Variants in CREB5 observed in about 807,000 individuals in gnomAD.
CREB5 encodes cAMP responsive element binding protein 5.
A neutral mutation model predicts 57.1 loss-of-function variants in CREB5; 19 were observed. That is an observed-to-expected ratio of 0.33 (90% CI 0.23 to 0.49). The LOEUF (loss-of-function observed/expected upper bound fraction) is 0.49. CREB5 is among the 20% of genes least tolerant of loss of function. The pLI is 0.99. For missense variants in CREB5, 579 were observed against 671.6 expected, an observed-to-expected ratio of 0.86 and a Z score of 1.52; for synonymous variants, 238 against 238.3, an observed-to-expected ratio of 1.00 and a Z score of 0.01.
intron 1 of CREB5, among the ~76,000 whole-genome samples, chr7:28,338,086 C>G (rs567914869): frequency 6.6e-6 from 1 of 152,024 alleles, no homozygotes; most frequent in South Asian, 2.1e-4. Flanking sequence ...TCTTCAAAAG[C>G]TGTAGTAGTT....
chr7:28,725,049 T>C (rs1276601514), intron 7 of CREB5, among the ~76,000 whole-genome samples: 1 of 152,224 alleles, frequency 6.6e-6, no homozygotes, highest in Middle Eastern at 3.2e-3. Context: ...GGTCATTTAG[T>C]TTACATACAG....
At chr7:28,613,642 C>T (rs1311474204) in intron 5 of CREB5, among the ~76,000 whole-genome samples, 1 of 152,216 alleles carries the variant, frequency 6.6e-6, no homozygotes, top group East Asian at 1.9e-4. Flanking sequence ...ATTAACTGCC[C>T]TGTGTCTCGT....
chr7:28,815,895 G>C (rs1562661127), intron 9 of CREB5, among the ~76,000 whole-genome samples: 1 of 152,250 alleles, frequency 6.6e-6, no homozygotes, highest in East Asian at 1.9e-4. Flanking sequence ...CTAGAAATTA[G>C]AACTTGATTC....
chr7:28,439,560 G>A (rs1377437068), intron 1 of CREB5, among the ~76,000 whole-genome samples: 1 of 152,160 alleles, frequency 6.6e-6, no homozygotes, highest in Non-Finnish European at 1.5e-5. Context: ...CCAGTTTGCA[G>A]AGGAGGAACC....
At chr7:28,735,927 C>G in intron 7 of CREB5, among the ~76,000 whole-genome samples, 1 of 151,980 alleles carries the variant, frequency 6.6e-6, no homozygotes, top group East Asian at 1.9e-4. Context: ...ACCTCAGCTT[C>G]CCAAGTAGCT....
rs141174544 is a variant in CREB5 at position 28,667,815 on chromosome 7, C to A, written c.465-50938C>A. Among the ~76,000 whole-genome samples the A allele has an allele frequency of 4.6e-5, 7 of 151,936 alleles. No homozygotes were observed. The East Asian group carries it at 1.3e-3, about 29-fold the overall frequency. Reference sequence around the variant, plus strand: ...CTGTTTAATGGACTCGAAATTAGTCCACATTTATACTTTTCTTTGAGAAAT... The same window carrying A: ...CTGTTTAATGGACTCGAAATTAGTCAACATTTATACTTTTCTTTGAGAAAT... On this transcript the variant is annotated intron_variant, in intron 5 of 10. Transcript: ENST00000357727.
chr7:28,703,620 G>T (rs1801969100), intron 5 of CREB5, among the ~76,000 whole-genome samples: 1 of 152,114 alleles, frequency 6.6e-6, no homozygotes, highest in Admixed American at 6.5e-5. Context: ...AAGCACCAAT[G>T]GTGTTGCTCC....
At chr7:28,320,401 G>A (rs748417065) in intron 1 of CREB5, among the ~76,000 whole-genome samples, 2 of 152,264 alleles carry the variant, frequency 1.3e-5, no homozygotes, top group African/African-American at 4.8e-5. Flanking sequence ...GCTGGTGGCT[G>A]CAGGGATAAA....
At chr7:28,401,587 G>C (rs374390215) in intron 1 of CREB5, among the ~76,000 whole-genome samples, 12 of 151,844 alleles carry the variant, frequency 7.9e-5, no homozygotes, top group Admixed American at 2.0e-4. Context: ...GACAGGCCCC[G>C]GTGTGTGATG....
At chr7:28,680,646 C>T (rs1456027478) in intron 5 of CREB5, among the ~76,000 whole-genome samples, 3 of 151,936 alleles carry the variant, frequency 2.0e-5, no homozygotes, top group Non-Finnish European at 2.9e-5. Flanking sequence ...GTAGTTCCAG[C>T]TACTCAGAAG....
rs138132537 is a variant in CREB5, at chr7:28,469,124, G to A, written c.4-19051G>A. ...TAGTCCCAACTACTCAGGAGGCTGA[G>A]GTGGGAGGATCACTTGAGCCAAGGG... is the stretch of plus-strand genomic sequence containing the variant. On this transcript the variant is annotated intron_variant, in intron 1 of 10. Transcript: ENST00000357727. Among the ~76,000 whole-genome samples the A allele has an allele frequency of 5.9e-5, 9 of 152,330 alleles. No homozygotes were observed. In the East Asian group the frequency reaches 1.7e-3, roughly 29 times the overall value.
chr7:28,737,545 A>ATG (rs1562606468), intron 7 of CREB5, among the ~76,000 whole-genome samples: 17 of 8,572 alleles, frequency 2.0e-3, no homozygotes, highest in Non-Finnish European at 4.8e-3. Flanking sequence ...ATACGTATAT[A>ATG]TATATATATA....
intron 7 of CREB5, among the ~76,000 whole-genome samples, chr7:28,790,436 GAGAGAGAGAGAGAGAGAGAGAGAGAT>G (rs1477679598): frequency 3.3e-4 from 19 of 57,214 alleles, no homozygotes; most frequent in African/African-American, 1.1e-3. Flanking sequence ...GAAAGAGAGA[GAGAGAGAGAGAGAGAGAGAGAGAGAT>G]AGAGAGAGAG....
chr7:28,408,756 G>A (rs993489816), upstream of CREB5, among the ~76,000 whole-genome samples: 2 of 152,126 alleles, frequency 1.3e-5, no homozygotes, highest in African/African-American at 4.8e-5. Flanking sequence ...TTCTCCTGGA[G>A]GAGGTGAGAT....
At chr7:28,658,955 A>ATATATATATATATATGTG (rs1799452669) in intron 5 of CREB5, among the ~76,000 whole-genome samples, 1 of 47,544 alleles carries the variant, frequency 2.1e-5, no homozygotes, top group South Asian at 6.6e-4. Flanking sequence ...GTGTGTGTGT[A>ATATATATATATATATGTG]TATATATATA....
chr7:28,388,211 T>C (rs1370502891), intron 1 of CREB5, among the ~76,000 whole-genome samples: 2 of 152,210 alleles, frequency 1.3e-5, no homozygotes, highest in Non-Finnish European at 2.9e-5. Flanking sequence ...GCACAGGTAG[T>C]ATCAATTTAA....
At chr7:28,657,111 A>G (rs984603511) in intron 5 of CREB5, among the ~76,000 whole-genome samples, 52 of 152,196 alleles carry the variant, frequency 3.4e-4, no homozygotes, top group African/African-American at 1.1e-3. Context: ...ACACCTGTCC[A>G]TCTGCAAGGC....
chr7:28,758,835 C>T (rs1562621431), intron 7 of CREB5, among the ~76,000 whole-genome samples: 1 of 152,190 alleles, frequency 6.6e-6, no homozygotes, highest in African/African-American at 2.4e-5. Context: ...TATATTTGTA[C>T]TCTATCAATA....
chr7:28,519,308 C>T (rs1055499011), intron 4 of CREB5, among the ~76,000 whole-genome samples: 2 of 152,098 alleles, frequency 1.3e-5, no homozygotes, highest in African/African-American at 4.8e-5. Flanking sequence ...ATGTTTTAGG[C>T]AAAGTTGGGA....
Sources: gnomAD v4.1 joint callset for allele counts (sites outside exome capture counted in the v4.1 genomes callset) on GRCh38, gnomAD v4.1.1 for gene constraint, MANE v1.5 for transcripts, NCBI Gene and HGNC (gene_info 2026-07-23, HGNC 2026-07-21) for gene names.